Variants in VPS50 observed in about 807,000 individuals in gnomAD.
VPS50 encodes the protein VPS50 subunit of EARP/GARPII complex, also known as syndetin.
Under a neutral mutation model 139.7 loss-of-function variants are expected in VPS50, and 70 were observed. The observed-to-expected ratio is 0.50, with a 90% CI of 0.41 to 0.61. The LOEUF is 0.61. Ranked by LOEUF, VPS50 falls within the 20% of genes least tolerant of loss-of-function variation. The pLI is 0.00. For missense variants in VPS50, 921 were observed against 1,133.7 expected (o/e 0.81, Z 2.69); for synonymous variants, 365 against 376.7 (o/e 0.97, Z 0.36).
chr7:93,266,112 C>G (rs925928861), intron 9 of VPS50, among the ~76,000 whole-genome samples: 1 of 152,158 alleles, frequency 6.6e-6, no homozygotes, highest in Non-Finnish European at 1.5e-5. Context: ...GGAATAGGCT[C>G]TGATTTAAAC....
At chr7:93,344,726 C>T (rs1798337170) in intron 23 of VPS50, among the ~76,000 whole-genome samples, 1 of 151,778 alleles carries the variant, frequency 6.6e-6, no homozygotes, top group African/African-American at 2.4e-5. Flanking sequence ...TCCTGAATAA[C>T]TACTGGGTAC....
intron 22 of VPS50, among the ~76,000 whole-genome samples, chr7:93,337,396 A>T (rs1798096397): frequency 6.6e-6 from 1 of 152,146 alleles, no homozygotes. Flanking sequence ...AGATAACTGT[A>T]TTCTCTCAGA....
chr7:93,353,863 A>G, intron 26 of VPS50, 102 bp downstream of exon 26: 1 of 925,944 alleles, frequency 1.1e-6, no homozygotes, highest in East Asian at 2.6e-5. Context: ...AGAAATAATA[A>G]CAACTAGCAG....
At chr7:93,318,322 C>G (rs1797490926) in intron 20 of VPS50, among the ~76,000 whole-genome samples, 1 of 152,034 alleles carries the variant, frequency 6.6e-6, no homozygotes. Context: ...AAAAATAAAC[C>G]TGGTAGCCAG....
intron 9 of VPS50, 117 bp downstream of exon 9, chr7:93,259,749 A>G (rs1311845852): frequency 9.3e-6 from 5 of 539,722 alleles, no homozygotes; most frequent in African/African-American, 1.9e-5. Context: ...CTAGTTTAAC[A>G]TTCATATTTA....
At chr7:93,309,734 G>T (rs867425496) in intron 19 of VPS50, among the ~76,000 whole-genome samples, 2 of 151,830 alleles carry the variant, frequency 1.3e-5, no homozygotes, top group African/African-American at 4.8e-5. Context: ...AATTATAAGA[G>T]AATTTTTTCT....
At chr7:93,278,292 T>G (rs1183453441) in intron 12 of VPS50, among the ~76,000 whole-genome samples, 1 of 152,144 alleles carries the variant, frequency 6.6e-6, no homozygotes, top group Non-Finnish European at 1.5e-5. Context: ...TCTTCTGAGT[T>G]TCTTTCACTT....
chr7:93,251,213 A>G (rs1448745417), intron 2 of VPS50, among the ~76,000 whole-genome samples: 1 of 152,140 alleles, frequency 6.6e-6, no homozygotes, highest in East Asian at 1.9e-4. Context: ...CATTCTATAC[A>G]GATACATGCA....
intron 25 of VPS50, among the ~76,000 whole-genome samples, chr7:93,352,369 T>A (rs1052632446): frequency 1.3e-4 from 20 of 152,194 alleles, no homozygotes; most frequent in African/African-American, 4.8e-4. Flanking sequence ...GACAATCCAC[T>A]TCTTTTTAAT....
chr7:93,252,847 C>T lies in VPS50; in HGVS notation c.225+72C>T, dbSNP rs892975095. 1.7e-5 allele frequency: 21 copies of T among 1,216,406 alleles called. No homozygotes were observed. In the East Asian group the frequency reaches 3.5e-4, roughly 20 times the overall value. 75.4% of individuals were successfully genotyped at this position (1,216,406 alleles called of 1,614,324 possible). ...TGATTGGATTTATGAGATTTGAATACTTTTTTGAGGCATTTATGTATTTTT... is the reference window on the plus strand; with the variant it reads ...TGATTGGATTTATGAGATTTGAATATTTTTTTGAGGCATTTATGTATTTTT... On this transcript the variant is annotated intron_variant, in intron 3 of 27. Transcript: ENST00000305866.
intron 21 of VPS50, 42 bp from the exon 22 acceptor site, chr7:93,334,075 G>A (rs1328714218): frequency 1.9e-6 from 2 of 1,061,040 alleles, no homozygotes; most frequent in Admixed American, 1.9e-5. Flanking sequence ...ACATTTGCAA[G>A]ATGATCTTTA....
In VPS50 at chr7:93,359,209, A is replaced by ATCTT. The variant is rs986324334; in HGVS notation, c.*779_*782dup. ...AATCATGATTATGAGACTTTCTTTT[A>ATCTT]TCTTTCTTTATAAAAATATGTGGTT... is the stretch of plus-strand genomic sequence containing the variant. On this transcript the variant is annotated 3_prime_UTR_variant, in exon 28 of 28. Coordinates refer to ENST00000305866, the MANE Select transcript of VPS50 (RefSeq NM_017667.4). 1.4e-4 allele frequency: 21 copies of ATCTT among 152,232 alleles called. No individual in the cohort carries two copies. The highest frequency in any genetic ancestry group is 7.9e-4 in the Admixed American group (12 of 15,272). The allele number at this position is 152,232 out of a possible 1,614,324, so 9.4% of individuals were successfully genotyped here. A position where few individuals can be genotyped will look rare whatever the true frequency, so the allele number is the denominator to read the frequency against.
intron 20 of VPS50, among the ~76,000 whole-genome samples, chr7:93,319,214 TA>T (rs1797527252): frequency 6.6e-6 from 1 of 152,216 alleles, no homozygotes; most frequent in Admixed American, 6.5e-5. Flanking sequence ...CACAGTAAAT[TA>T]AACTTCTGCA....
chr7:93,308,026 C>T (rs539016577), intron 18 of VPS50, among the ~76,000 whole-genome samples: 11 of 151,988 alleles, frequency 7.2e-5, no homozygotes, highest in Admixed American at 3.9e-4. Context: ...CATGAAAGCA[C>T]TTAGCATAAT....
At chr7:93,264,689 A>G (rs886570618) in intron 9 of VPS50, among the ~76,000 whole-genome samples, 1 of 152,210 alleles carries the variant, frequency 6.6e-6, no homozygotes, top group African/African-American at 2.4e-5. Flanking sequence ...TCATATGGCA[A>G]ATGAACACAG....
At chr7:93,338,419 A>G (rs1441332649) in intron 22 of VPS50, among the ~76,000 whole-genome samples, 1 of 152,180 alleles carries the variant, frequency 6.6e-6, no homozygotes, top group Non-Finnish European at 1.5e-5. Flanking sequence ...GCAGTTAGAG[A>G]AGATCCCTCT....
intron 9 of VPS50, among the ~76,000 whole-genome samples, chr7:93,264,575 A>G (rs924952056): frequency 1.9e-4 from 29 of 152,240 alleles, no homozygotes; most frequent in African/African-American, 6.8e-4. Context: ...TAACATAAAC[A>G]GATGCATTAA....
Position 93,358,459 on chromosome 7 carries a change from A to G in VPS50, c.*23A>G, listed in dbSNP as rs144266211. 3,556 of 1,603,700 alleles carry G rather than the reference A, an allele frequency of 2.2e-3. 10 individuals are homozygous for G. Among genetic ancestry groups the G allele is most frequent in the Non-Finnish European group, 2.8e-3 (3,329 of 1,171,888 alleles). Reference sequence around the variant, plus strand: ...TAATGAACACAGCTCTCTTTCCTCAATGGCATTGATCCTCACTCAACATAT... The same window carrying G: ...TAATGAACACAGCTCTCTTTCCTCAGTGGCATTGATCCTCACTCAACATAT... On this transcript the variant is annotated 3_prime_UTR_variant, in exon 28 of 28. Transcript: ENST00000305866.
At chr7:93,305,720 T>A in intron 17 of VPS50, 108 bp from the exon 18 acceptor site, 1 of 774,586 alleles carries the variant, frequency 1.3e-6, no homozygotes, top group Non-Finnish European at 2.2e-6. Context: ...AAACTGAAGA[T>A]CAAGATGTTG....
Sources: allele counts gnomAD v4.1 joint callset (sites outside exome capture counted in the v4.1 genomes callset), GRCh38; gene constraint gnomAD v4.1.1; transcripts MANE v1.5; gene names NCBI Gene and HGNC (gene_info 2026-07-23, HGNC 2026-07-21).